AGTR1: variants seen among roughly 807,000 people sequenced by gnomAD.
AGTR1 encodes angiotensin II receptor type 1.
A neutral mutation model predicts 19.4 loss-of-function variants in AGTR1; 16 were observed. That is an observed-to-expected ratio of 0.82 (90% CI 0.56 to 1.25). The LOEUF (loss-of-function observed/expected upper bound fraction) is 1.25. Ranked by LOEUF, AGTR1 falls within the 50% of genes most tolerant of loss-of-function variation. The pLI, the probability that AGTR1 is intolerant of heterozygous loss-of-function variation, is 0.00. For missense variants in AGTR1, 373 were observed against 431.9 expected, an observed-to-expected ratio of 0.86 and a Z score of 1.21; for synonymous variants, 153 against 154.9, an observed-to-expected ratio of 0.99 and a Z score of 0.09.
intron 2 of AGTR1, among the ~76,000 whole-genome samples, chr3:148,721,461 A>G (rs1231808940): frequency 2.6e-5 from 4 of 152,154 alleles, no homozygotes; most frequent in African/African-American, 7.2e-5. Context: ...CAGGGACTAG[A>G]TTTACCTCCC....
intron 2 of AGTR1, among the ~76,000 whole-genome samples, chr3:148,730,794 A>G (rs1419481494): frequency 2.0e-5 from 3 of 152,070 alleles, no homozygotes; most frequent in South Asian, 2.1e-4. Context: ...ATCTCTAACA[A>G]ATTTCTGGGT....
At position 148,742,221 on chromosome 3, in the gene AGTR1, G is replaced by C. The variant is rs963439483; in HGVS notation, c.*106G>C. ...TGAGCATTAGCTACTTTTCAGAATT[G>C]AAGGAGAAAATGCATTATGTGGACT... On this transcript the variant is annotated 3_prime_UTR_variant, in exon 3 of 3. Coordinates refer to ENST00000349243, the MANE Select transcript of AGTR1 (RefSeq NM_000685.5). 1 of 1,480,374 alleles carries C rather than the reference G, an allele frequency of 6.8e-7. No individual in the cohort carries two copies. Among genetic ancestry groups the C allele is most frequent in the Admixed American group, 1.7e-5 (1 of 59,804 alleles). 91.7% of individuals were successfully genotyped at this position (1,480,374 alleles called of 1,614,324 possible). A position where few individuals can be genotyped will look rare whatever the true frequency, so the allele number is the denominator to read the frequency against.
At chr3:148,724,588 T>G (rs1713826480) in intron 2 of AGTR1, among the ~76,000 whole-genome samples, 1 of 152,216 alleles carries the variant, frequency 6.6e-6, no homozygotes, top group Non-Finnish European at 1.5e-5. Flanking sequence ...AGAAAATCAA[T>G]AAATTTGACC....
intron 2 of AGTR1, among the ~76,000 whole-genome samples, chr3:148,722,587 C>A (rs12721235): frequency 0.016 from 2,373 of 152,244 alleles, 74 homozygotes; most frequent in African/African-American, 0.055. Context: ...TCTCATCTCA[C>A]TCTGGTCCCT....
intron 2 of AGTR1, among the ~76,000 whole-genome samples, chr3:148,720,591 G>A (rs1639871694): frequency 6.6e-6 from 1 of 152,116 alleles, no homozygotes; most frequent in Admixed American, 6.5e-5. Context: ...ACACAACTTA[G>A]ATGAAATAAT....
At chr3:148,734,111 T>C (rs964389647) in intron 2 of AGTR1, among the ~76,000 whole-genome samples, 9 of 152,224 alleles carry the variant, frequency 5.9e-5, no homozygotes, top group Non-Finnish European at 8.8e-5. Context: ...GTTTAATTTA[T>C]AGTAAGTGGG....
At chr3:148,719,783 G>A (rs567967464) in intron 2 of AGTR1, among the ~76,000 whole-genome samples, 19 of 152,184 alleles carry the variant, frequency 1.2e-4, no homozygotes, top group Non-Finnish European at 2.1e-4. Context: ...TGTCTTGTTC[G>A]TAAACTCCCA....
At chr3:148,712,341 G>A (rs7647324) in intron 2 of AGTR1, among the ~76,000 whole-genome samples, 58,285 of 151,900 alleles carry the variant, frequency 0.38, 11,660 homozygotes, top group African/African-American at 0.51. Flanking sequence ...CTAAACAAAT[G>A]TTCATCTCAC....
chr3:148,702,598 C>T (rs1576522078), intron 1 of AGTR1, among the ~76,000 whole-genome samples: 1 of 152,300 alleles, frequency 6.6e-6, no homozygotes, highest in African/African-American at 2.4e-5. Flanking sequence ...AAAATGGCCC[C>T]TCCTTCTGTC....
intron 1 of AGTR1, among the ~76,000 whole-genome samples, chr3:148,707,437 G>T (rs751463521): frequency 6.6e-6 from 1 of 151,982 alleles, no homozygotes; most frequent in Non-Finnish European, 1.5e-5. Flanking sequence ...TATACGACGC[G>T]TTAGCATTAC....
chr3:148,731,797 T>G (rs1315594577), intron 2 of AGTR1, among the ~76,000 whole-genome samples: 1 of 152,222 alleles, frequency 6.6e-6, no homozygotes, highest in African/African-American at 2.4e-5. Flanking sequence ...TCTTCCTCAA[T>G]TTTTACAGCA....
intron 2 of AGTR1, among the ~76,000 whole-genome samples, chr3:148,729,177 G>A (rs12721272): frequency 0.021 from 3,151 of 152,280 alleles, 43 homozygotes; most frequent in East Asian, 0.053. Context: ...CAGAAGTCAC[G>A]TGCTGAACGT....
chr3:148,712,726 A>G (rs1376447008), intron 2 of AGTR1, among the ~76,000 whole-genome samples: 1 of 152,220 alleles, frequency 6.6e-6, no homozygotes, highest in Non-Finnish European at 1.5e-5. Context: ...GCAAATTCAG[A>G]TTATTAATCA....
intron 2 of AGTR1, among the ~76,000 whole-genome samples, chr3:148,737,917 A>G (rs1714659869): frequency 6.6e-6 from 1 of 152,196 alleles, no homozygotes; most frequent in African/African-American, 2.4e-5. Flanking sequence ...TACCTTTTAT[A>G]TATTAAATAC....
rs1482980695 is a variant in AGTR1, at chr3:148,742,309, A to T, written c.*194A>T. 1.2e-6 allele frequency: 1 copy of T among 820,978 alleles called. No homozygotes were observed. The highest frequency in any genetic ancestry group is 2.1e-6 in the Non-Finnish European group (1 of 476,876). 50.9% of individuals were successfully genotyped at this position (820,978 alleles called of 1,614,324 possible). On this transcript the variant is annotated 3_prime_UTR_variant, in exon 3 of 3. Coordinates refer to ENST00000349243, the MANE Select transcript of AGTR1 (RefSeq NM_000685.5). ...TTTCCTTTTGCAACAAGACAAAGCA[A>T]AGCCACATTTTGCATTAGACAGATG...
At chr3:148,711,917 A>T (rs1202847139) in intron 2 of AGTR1, among the ~76,000 whole-genome samples, 5 of 151,782 alleles carry the variant, frequency 3.3e-5, no homozygotes, top group Non-Finnish European at 7.4e-5. Context: ...CCAGCTAATT[A>T]TTTTTTTAAT....
At chr3:148,700,686 A>G (rs539330580) in intron 1 of AGTR1, among the ~76,000 whole-genome samples, 2 of 152,288 alleles carry the variant, frequency 1.3e-5, no homozygotes, top group African/African-American at 4.8e-5. Flanking sequence ...TGTTTTGAAG[A>G]TATGCTGTGT....
Position 148,742,065 on chromosome 3 carries a change from A to T in AGTR1, c.1030A>T (p.Asn344Tyr), listed in dbSNP as rs765319802. The T allele has an allele frequency of 6.2e-7, 1 of 1,614,150 alleles. No individual in the cohort carries two copies. Among genetic ancestry groups the T allele is most frequent in the Non-Finnish European group, 8.5e-7 (1 of 1,180,028 alleles). Residue 344 changes from asparagine to tyrosine, a missense_variant, in exon 3 of 3, where the codon AAT becomes TAT. Coordinates refer to ENST00000349243, the MANE Select transcript of AGTR1 (RefSeq NM_000685.5). Reference protein sequence around the residue: ...MSTLSYRPSDNVSSSTKKPAP... With the variant: ...MSTLSYRPSDYVSSSTKKPAP... ...CACGCTTTCCTACCGCCCCTCAGATAATGTAAGCTCATCCACCAAGAAGCC... is the reference window on the plus strand; with the variant it reads ...CACGCTTTCCTACCGCCCCTCAGATTATGTAAGCTCATCCACCAAGAAGCC...
At position 148,741,264 on chromosome 3, in the gene AGTR1, T is replaced by A; in HGVS notation, c.229T>A (p.Phe77Ile). The change falls in exon 3 of 3, where the codon TTT (phenylalanine) becomes ATT (isoleucine). Residue 77 changes from phenylalanine to isoleucine, a missense_variant. Coordinates refer to ENST00000349243, the MANE Select transcript of AGTR1 (RefSeq NM_000685.5). ...GAATTTAGCACTGGCTGACTTATGCTTTTTACTGACTTTGCCACTATGGGC... is the reference window on the plus strand; with the variant it reads ...GAATTTAGCACTGGCTGACTTATGCATTTTACTGACTTTGCCACTATGGGC... ...LLNLALADLC[F>I]LLTLPLWAVY... 1 of 1,613,810 alleles carries A rather than the reference T, an allele frequency of 6.2e-7. No homozygotes were observed. The highest frequency in any genetic ancestry group is 1.1e-5 in the South Asian group (1 of 91,086).
Sources: allele counts gnomAD v4.1 joint callset (sites outside exome capture counted in the v4.1 genomes callset), GRCh38; gene constraint gnomAD v4.1.1; transcripts MANE v1.5; gene names NCBI Gene and HGNC (gene_info 2026-07-23, HGNC 2026-07-21).